PAG1: variants seen among roughly 807,000 people sequenced by gnomAD.
PAG1 encodes the protein phosphoprotein associated with glycosphingolipid-enriched microdomains 1.
A neutral mutation model predicts 31.7 loss-of-function variants in PAG1; 23 were observed. That is an observed-to-expected ratio of 0.73 (90% CI 0.52 to 1.03). PAG1 has a LOEUF of 1.03. Among genes scored for constraint, PAG1 ranks in the 50% least tolerant of loss-of-function variants. PAG1 has a pLI of 0.00. For synonymous variants in PAG1, 214 were observed against 210.3 expected, an observed-to-expected ratio of 1.02 and a Z score of -0.15; for missense variants, 473 against 540.7, an observed-to-expected ratio of 0.87 and a Z score of 1.24.
At chr8:81,097,943 C>G (rs953641980) in intron 1 of PAG1, among the ~76,000 whole-genome samples, 7 of 152,192 alleles carry the variant, frequency 4.6e-5, no homozygotes, top group African/African-American at 1.7e-4. Context: ...ACACTACACT[C>G]TGCTCTTTCC....
At chr8:81,022,614 C>T (rs974055530) in intron 3 of PAG1, among the ~76,000 whole-genome samples, 3 of 151,948 alleles carry the variant, frequency 2.0e-5, no homozygotes, top group African/African-American at 7.3e-5. Context: ...CAATAATGCC[C>T]ATATATTATT....
intron 3 of PAG1, among the ~76,000 whole-genome samples, chr8:81,010,628 C>T (rs1468366746): frequency 6.6e-6 from 1 of 152,200 alleles, no homozygotes; most frequent in Non-Finnish European, 1.5e-5. Context: ...AAAGAATGTA[C>T]AATAAATCAA....
rs1231692030 is a variant in PAG1, at chr8:80,969,135, A to G, written c.*7409T>C. 2.6e-5 allele frequency: 4 copies of G among 152,278 alleles called. No individual in the cohort carries two copies. The highest frequency in any genetic ancestry group is 4.4e-5 in the Non-Finnish European group (3 of 68,058). The allele number at this position is 152,278 out of a possible 1,614,324, so 9.4% of individuals were successfully genotyped here. ...TCAAGACATGAGCATTGCTGCAGGC[A>G]TGGCCATCTTCCAGGACATGGGCGG... On this transcript the variant is annotated 3_prime_UTR_variant, in exon 9 of 9. Coordinates refer to ENST00000220597, the MANE Select transcript of PAG1 (RefSeq NM_018440.4).
At chr8:81,040,090 T>G (rs2130829911) in intron 2 of PAG1, among the ~76,000 whole-genome samples, 1 of 152,320 alleles carries the variant, frequency 6.6e-6, no homozygotes, top group Admixed American at 6.5e-5. Flanking sequence ...TCTTGGTTAA[T>G]TCATGTCTTT....
In PAG1 at chr8:80,971,182, T is replaced by C. The variant is rs905895280; in HGVS notation, c.*5362A>G. 9 of 152,236 alleles carry C rather than the reference T, an allele frequency of 5.9e-5. No homozygotes were observed. The East Asian group carries it at 7.7e-4, about 13-fold the overall frequency. The allele number at this position is 152,236 out of a possible 1,614,324, so 9.4% of individuals were successfully genotyped here. A position where few individuals can be genotyped will look rare whatever the true frequency, so the allele number is the denominator to read the frequency against. ...AACAACTTTCTCACTCTTTTGTGAA[T>C]TGGACAATTTGACCATTATGAAGAT... On this transcript the variant is annotated 3_prime_UTR_variant, in exon 9 of 9. Transcript: ENST00000220597.
Position 80,985,334 on chromosome 8 carries a change from C to T in PAG1, c.318G>A (p.Glu106=). Residue 106 remains glutamate, a synonymous_variant, in exon 7 of 9, where the codon GAG becomes GAA. Coordinates refer to ENST00000220597, the MANE Select transcript of PAG1 (RefSeq NM_018440.4). ...GATCCGAGGCCGATGTCTGGACTTC[C>T]TCGTAATGCTGCATGCAGGTCAGAG... The part of the protein sequence containing the change: ...DSTLTCMQHY[E]EVQTSASDLL... 6.2e-7 allele frequency: 1 copy of T among 1,614,066 alleles called. No individual in the cohort carries two copies. Among genetic ancestry groups the T allele is most frequent in the Non-Finnish European group, 8.5e-7 (1 of 1,179,952 alleles).
At chr8:81,037,352 C>T (rs558707483) in intron 2 of PAG1, 1 of 152,226 alleles carries the variant, frequency 6.6e-6, no homozygotes, top group South Asian at 2.1e-4. Context: ...TCTAAGCATG[C>T]TACCTGGAAA....
chr8:81,063,510 T>C (rs1288003095), intron 2 of PAG1, among the ~76,000 whole-genome samples: 1 of 151,914 alleles, frequency 6.6e-6, no homozygotes, highest in African/African-American at 2.4e-5. Flanking sequence ...TAAGACGGAG[T>C]GGGAGTCTCT....
chr8:81,066,099 T>C (rs546386686), intron 2 of PAG1, among the ~76,000 whole-genome samples: 22 of 152,334 alleles, frequency 1.4e-4, no homozygotes, highest in African/African-American at 4.8e-4. Flanking sequence ...ACAGGGCCAC[T>C]ACATCCTTCC....
chr8:81,047,460 CAT>C (rs956226272), intron 2 of PAG1, among the ~76,000 whole-genome samples: 34 of 152,132 alleles, frequency 2.2e-4, no homozygotes, highest in African/African-American at 8.0e-4. Context: ...AGCTTTTTTT[CAT>C]ATGTTTGTTG....
In PAG1 at chr8:80,990,795, G is replaced by A. The variant is rs1459485747; in HGVS notation, c.177+684C>T. On this transcript the variant is annotated intron_variant, in intron 5 of 8. Coordinates refer to ENST00000220597, the MANE Select transcript of PAG1 (RefSeq NM_018440.4). The surrounding 1 kb of genome is among the most constrained non-coding windows in gnomAD (Gnocchi z 5.1). ...CCAGCTTAATGACCTGTTGTTATGG[G>A]TTGAACTGTGTCTCTCCAAAATTCA... is the stretch of plus-strand genomic sequence containing the variant. Among the ~76,000 whole-genome samples, 1 of 152,144 alleles carries A rather than the reference G, an allele frequency of 6.6e-6. No individual in the cohort carries two copies. Among genetic ancestry groups the A allele is most frequent in the African/African-American group, 2.4e-5 (1 of 41,424 alleles).
At chr8:81,012,161 T>G (rs1807997047) in intron 3 of PAG1, among the ~76,000 whole-genome samples, 1 of 152,212 alleles carries the variant, frequency 6.6e-6, no homozygotes, top group Non-Finnish European at 1.5e-5. Context: ...CTTTTGTTAG[T>G]AATCTTATCC....
chr8:81,086,236 C>T lies in PAG1; in HGVS notation c.-233-16066G>A, dbSNP rs185328326. Among the ~76,000 whole-genome samples, 1,317 of 152,074 alleles carry T rather than the reference C, an allele frequency of 8.7e-3. 20 individuals are homozygous for T. Among genetic ancestry groups the T allele is most frequent in the African/African-American group, 0.03 (1,249 of 41,466 alleles). ...GACCTCGTGATCCGCCCGCCTCGGC[C>T]TCCCAAAGTGCTGGGATTACAGGCG... is the stretch of plus-strand genomic sequence containing the variant. On this transcript the variant is annotated intron_variant, in intron 1 of 8. Coordinates refer to ENST00000220597, the MANE Select transcript of PAG1 (RefSeq NM_018440.4).
chr8:80,991,894 A>C (rs1807557370), intron 4 of PAG1, among the ~76,000 whole-genome samples: 1 of 149,188 alleles, frequency 6.7e-6, no homozygotes, highest in Non-Finnish European at 1.5e-5. Flanking sequence ...GAAGACAATT[A>C]TCTGAGTCTC....
chr8:80,970,599 T>C lies in PAG1; in HGVS notation c.*5945A>G, dbSNP rs1807057052. The C allele has an allele frequency of 6.6e-6, 1 of 152,662 alleles. No homozygotes were observed. Among genetic ancestry groups the C allele is most frequent in the South Asian group, 2.1e-4 (1 of 4,828 alleles). 9.5% of individuals were successfully genotyped at this position (152,662 alleles called of 1,614,324 possible). A position where few individuals can be genotyped will look rare whatever the true frequency, so the allele number is the denominator to read the frequency against. Reference sequence around the variant, plus strand: ...TCACTGTGGGGAACACTAAGCTTACTTGGTTAGAGCACGGCACTAACATTT... The same window carrying C: ...TCACTGTGGGGAACACTAAGCTTACCTGGTTAGAGCACGGCACTAACATTT... On this transcript the variant is annotated 3_prime_UTR_variant, in exon 9 of 9. Transcript: ENST00000220597.
At chr8:81,015,802 A>C (rs1220049417) in intron 3 of PAG1, among the ~76,000 whole-genome samples, 2 of 152,034 alleles carry the variant, frequency 1.3e-5, no homozygotes, top group African/African-American at 4.8e-5. Flanking sequence ...CTGTATCCTC[A>C]CTTCTTGCAA....
At chr8:81,097,512 C>T (rs894375129) in intron 1 of PAG1, among the ~76,000 whole-genome samples, 3 of 152,114 alleles carry the variant, frequency 2.0e-5, no homozygotes, top group African/African-American at 7.2e-5. Flanking sequence ...TGCAAAGAGG[C>T]TGTAAGACTT....
intron 8 of PAG1, among the ~76,000 whole-genome samples, chr8:80,977,521 C>G (rs983764291): frequency 6.6e-6 from 1 of 152,186 alleles, no homozygotes. Context: ...TCTCCAACAC[C>G]CGTTGCTGGA....
intron 1 of PAG1, among the ~76,000 whole-genome samples, chr8:81,103,674 C>G (rs757535631): frequency 6.6e-5 from 10 of 152,136 alleles, no homozygotes; most frequent in Non-Finnish European, 1.3e-4. Flanking sequence ...ATCAAATAAT[C>G]CAGTGAGCCG....
Sources: allele counts gnomAD v4.1 joint callset (sites outside exome capture counted in the v4.1 genomes callset), GRCh38; gene constraint gnomAD v4.1.1; non-coding constraint Gnocchi (gnomAD v3.1); transcripts MANE v1.5; gene names NCBI Gene and HGNC (gene_info 2026-07-23, HGNC 2026-07-21).